The following MKNK1 variants were observed in gnomAD, a reference collection of about 807,000 sequenced individuals.
MKNK1 encodes the protein MAP kinase-interacting serine/threonine-protein kinase 1.
MKNK1 carries 30 observed loss-of-function variants against 49.3 expected under a neutral mutation model. The observed-to-expected ratio is 0.61, with a 90% CI of 0.46 to 0.83. The LOEUF (loss-of-function observed/expected upper bound fraction) is 0.83. Among genes scored for constraint, MKNK1 ranks in the 40% least tolerant of loss-of-function variants. The pLI is 0.00. For missense variants in MKNK1, 423 were observed against 524.7 expected (o/e 0.81, Z 1.89); for synonymous variants, 176 against 201.7 (o/e 0.87, Z 1.08).
chr1:46,588,508 T>A lies in MKNK1; in HGVS notation c.-2-5179A>T, dbSNP rs920844481. On this transcript the variant is annotated intron_variant, in intron 2 of 12. Transcript: ENST00000371945. ...AACAACCAATGTTATTTTTATTTTT[T>A]AAAAAATGCTACTTCTTGGCCGGGC... 3.3e-5 allele frequency among the ~76,000 whole-genome samples: 5 copies of A among 152,216 alleles called. No homozygotes were observed. The South Asian group carries it at 6.2e-4, about 19-fold the overall frequency.
At chr1:46,601,060 G>C (rs1674671035) in intron 1 of MKNK1, among the ~76,000 whole-genome samples, 1 of 152,116 alleles carries the variant, frequency 6.6e-6, no homozygotes, top group South Asian at 2.1e-4. Flanking sequence ...GGGATTACAG[G>C]CACCCACCAC....
chr1:46,564,745 G>A (rs1668759884), intron 9 of MKNK1, among the ~76,000 whole-genome samples: 1 of 152,046 alleles, frequency 6.6e-6, no homozygotes, highest in South Asian at 2.1e-4. Context: ...AAAGTGCTAG[G>A]ATTACAGGCA....
At chr1:46,572,727 T>G (rs1359665567) in intron 6 of MKNK1, among the ~76,000 whole-genome samples, 2 of 152,074 alleles carry the variant, frequency 1.3e-5, no homozygotes, top group Non-Finnish European at 2.9e-5. Flanking sequence ...AGAACAACTA[T>G]AAATAGGGCC....
intron 10 of MKNK1, 52 bp downstream of exon 10, chr1:46,562,597 C>A: frequency 2.0e-6 from 3 of 1,513,776 alleles, no homozygotes; most frequent in Non-Finnish European, 2.7e-6. Context: ...CATCCCCCAA[C>A]CACACTGACC....
At chr1:46,562,508 C>G in intron 10 of MKNK1, 141 bp downstream of exon 10, 1 of 962,016 alleles carries the variant, frequency 1.0e-6, no homozygotes, top group Non-Finnish European at 1.5e-6. Context: ...TACCTTGTGG[C>G]CACCGTGACA....
chr1:46,558,521 C>T lies in MKNK1; in HGVS notation c.*54G>A, dbSNP rs561097268. The T allele has an allele frequency of 2.0e-4, 296 of 1,504,556 alleles. 1 individual carries two copies. The South Asian group carries it at 3.7e-3, about 19-fold the overall frequency. 93.2% of individuals were successfully genotyped at this position (1,504,556 alleles called of 1,614,324 possible). A position where few individuals can be genotyped will look rare whatever the true frequency, so the allele number is the denominator to read the frequency against. On this transcript the variant is annotated 3_prime_UTR_variant, in exon 13 of 13. Transcript: ENST00000371945. ...CAGCAGACTTTAGCCACACAGGTTT[C>T]CAGGGGACAATGCCTGGCCAGGCCT...
Position 46,575,290 on chromosome 1 carries a change from T to C in MKNK1, c.279-270A>G, listed in dbSNP as rs974376760. ...AACCCCAGCCCTAAAACCCACTAGG[T>C]AGAGTTATAAAAAAGTCCCGGTCAC... On this transcript the variant is annotated intron_variant, in intron 5 of 12. Coordinates refer to ENST00000371945, the MANE Select transcript of MKNK1 (RefSeq NM_001135553.4). The C allele has an allele frequency of 6.3e-5, 22 of 346,998 alleles. No individual in the cohort carries two copies. In the Admixed American group the frequency reaches 8.1e-4, roughly 13 times the overall value. The allele number at this position is 346,998 out of a possible 1,614,324, so 21.5% of individuals were successfully genotyped here.
At chr1:46,596,496 G>T (rs1674083151) in intron 1 of MKNK1, among the ~76,000 whole-genome samples, 1 of 152,192 alleles carries the variant, frequency 6.6e-6, no homozygotes, top group South Asian at 2.1e-4. Context: ...TATGGGCTTT[G>T]TGTTATTTTG....
At chr1:46,603,831 A>G (rs906682167) in intron 1 of MKNK1, among the ~76,000 whole-genome samples, 2 of 152,250 alleles carry the variant, frequency 1.3e-5, no homozygotes, top group African/African-American at 4.8e-5. Flanking sequence ...ATAACGCAGT[A>G]CACAGATTTC....
In MKNK1 at chr1:46,558,147, G is replaced by C. The variant is rs1667303080; in HGVS notation, c.*428C>G. 1 of 164,304 alleles carries C rather than the reference G, an allele frequency of 6.1e-6. No homozygotes were observed. Among genetic ancestry groups the C allele is most frequent in the East Asian group, 1.8e-4 (1 of 5,582 alleles). 10.2% of individuals were successfully genotyped at this position (164,304 alleles called of 1,614,324 possible). A position where few individuals can be genotyped will look rare whatever the true frequency, so the allele number is the denominator to read the frequency against. On this transcript the variant is annotated 3_prime_UTR_variant, in exon 13 of 13. Transcript: ENST00000371945. ...AGAGGAAGGTGGAAGGACCGCCAGA[G>C]GAGGGTGACAGAGAAGAGAGGGAAG...
chr1:46,569,750 A>G (rs1246556779), intron 7 of MKNK1: 2 of 152,274 alleles, frequency 1.3e-5, no homozygotes, highest in Admixed American at 6.5e-5. Flanking sequence ...CAGGCTGCAC[A>G]AATTGAGTAG....
chr1:46,586,436 G>A (rs1016469375), intron 2 of MKNK1, among the ~76,000 whole-genome samples: 2 of 152,122 alleles, frequency 1.3e-5, no homozygotes, highest in Admixed American at 6.5e-5. Flanking sequence ...AACACCCTGC[G>A]AGAAGCTCCA....
chr1:46,571,983 C>G, intron 7 of MKNK1, 80 bp downstream of exon 7: 2 of 1,319,622 alleles, frequency 1.5e-6, no homozygotes, highest in Admixed American at 3.4e-5. Flanking sequence ...TGCACCAGCC[C>G]TCTGCCTGGC....
At position 46,576,564 on chromosome 1, in the gene MKNK1, A is replaced by G. The variant is rs771969042; in HGVS notation, c.278+11T>C. 2 of 1,606,180 alleles carry G rather than the reference A, an allele frequency of 1.2e-6. No individual in the cohort carries two copies. Among genetic ancestry groups the G allele is most frequent in the East Asian group, 2.2e-5 (1 of 44,798 alleles). The stretch of plus-strand genomic sequence containing the variant: ...CCCCCAGAGAAGCAGCGAGAATCAC[A>G]TGATACTCACTTGTTTCCCTGACAC... On this transcript the variant is annotated intron_variant, in intron 5 of 12. Transcript: ENST00000371945.
At chr1:46,561,454 A>C (rs1237382470) in intron 11 of MKNK1, 24 bp downstream of exon 11, 2 of 1,583,312 alleles carry the variant, frequency 1.3e-6, no homozygotes, top group African/African-American at 2.7e-5. Flanking sequence ...GTGGTGGAAA[A>C]CACCCCTCCC....
chr1:46,594,824 T>A, intron 1 of MKNK1: 1 of 408,868 alleles, frequency 2.4e-6, no homozygotes, highest in Non-Finnish European at 4.8e-6. Flanking sequence ...GTGAAACCCA[T>A]CCCTACAAAA....
intron 1 of MKNK1, among the ~76,000 whole-genome samples, chr1:46,599,371 A>C (rs1674458302): frequency 6.6e-6 from 1 of 152,172 alleles, no homozygotes; most frequent in South Asian, 2.1e-4. Context: ...TTGTAACGTC[A>C]ATCTCCCATC....
At chr1:46,580,653 T>A in intron 3 of MKNK1, 26 bp from the exon 4 acceptor site, 2 of 1,516,310 alleles carry the variant, frequency 1.3e-6, no homozygotes, top group Non-Finnish European at 1.8e-6. Context: ...ATGAGAGGAA[T>A]AACAAGATGA....
At chr1:46,594,855 T>C in intron 1 of MKNK1, 2 of 418,568 alleles carry the variant, frequency 4.8e-6, no homozygotes. Context: ...TAGCCAGGCA[T>C]GGTGGCACAC....
Sources: allele counts gnomAD v4.1 joint callset (sites outside exome capture counted in the v4.1 genomes callset), GRCh38; gene constraint gnomAD v4.1.1; transcripts MANE v1.5; gene names NCBI Gene and HGNC (gene_info 2026-07-23, HGNC 2026-07-21).